SPATA13: variants seen among roughly 807,000 people sequenced by gnomAD.
SPATA13 encodes the protein spermatogenesis associated 13.
In SPATA13, 50 loss-of-function variants were observed where a neutral mutation model predicts 104.0. The observed-to-expected ratio is 0.48, with a 90% confidence interval of 0.38 to 0.61. SPATA13 has a LOEUF of 0.61. Ranked by LOEUF, SPATA13 falls within the 20% of genes least tolerant of loss-of-function variation. The probability of loss-of-function intolerance (pLI) is 0.00; values close to 1 mark genes in which losing one functional copy is unlikely to be tolerated. For synonymous variants in SPATA13, 606 were observed against 667.5 expected, an observed-to-expected ratio of 0.91 and a Z score of 1.42; for missense variants, 1,524 against 1,690.6, an observed-to-expected ratio of 0.90 and a Z score of 1.73.
At chr13:24,247,478 C>CCTTTTTTTTT (rs1375500120) in intron 2 of SPATA13, among the ~76,000 whole-genome samples, 2 of 87,122 alleles carry the variant, frequency 2.3e-5, no homozygotes, top group African/African-American at 8.0e-5. Context: ...TCCACATTCA[C>CCTTTTTTTTT]TTTTTTTTTT....
chr13:24,121,555 A>G (rs1881029896), intron 3 of SPATA13, among the ~76,000 whole-genome samples: 1 of 152,228 alleles, frequency 6.6e-6, no homozygotes, highest in Admixed American at 6.5e-5. Flanking sequence ...TGAAGATTGA[A>G]TAAAGCTATC....
intron 3 of SPATA13, among the ~76,000 whole-genome samples, chr13:24,075,196 C>T (rs1335473561): frequency 1.3e-5 from 2 of 152,180 alleles, no homozygotes; most frequent in Admixed American, 1.3e-4. Context: ...CTGTATGTAG[C>T]TACTATTACT....
At chr13:24,218,448 G>GCCTCACTGGGCCCTAGCAT (rs1400347539) in intron 1 of SPATA13, among the ~76,000 whole-genome samples, 1 of 152,138 alleles carries the variant, frequency 6.6e-6, no homozygotes, top group African/African-American at 2.4e-5. Context: ...AAGCTACTCA[G>GCCTCACTGGGCCCTAGCAT]CCTCACTGGG....
chr13:24,276,798 G>A (rs1000402665), intron 4 of SPATA13, among the ~76,000 whole-genome samples: 3 of 152,126 alleles, frequency 2.0e-5, no homozygotes, highest in Admixed American at 6.5e-5. Flanking sequence ...CTGTAGTTGA[G>A]GTTCAAAGCC....
intron 1 of SPATA13, among the ~76,000 whole-genome samples, chr13:24,187,380 A>G (rs1869215879): frequency 2.0e-5 from 3 of 152,104 alleles, no homozygotes; most frequent in Non-Finnish European, 4.4e-5. Context: ...GTTAACACAC[A>G]ATCATTGCCC....
At position 24,229,101 on chromosome 13, in the gene SPATA13, CTTG is replaced by C. The variant is rs1387753003; in HGVS notation, c.1653+4523_1653+4525del. ...TGTTTTAAGTTACAGGTTGCATTTA[CTTG>C]TTGACAGTGCTGTCTGTTGCCTTAT... On this transcript the variant is annotated intron_variant, in intron 2 of 12. Coordinates refer to ENST00000382108, the MANE Select transcript of SPATA13 (RefSeq NM_001166271.3). Among the ~76,000 whole-genome samples, 5 of 152,314 alleles carry C rather than the reference CTTG, an allele frequency of 3.3e-5. No homozygotes were observed. The East Asian group carries it at 9.6e-4, about 29-fold the overall frequency.
rs7983191 is a variant in SPATA13, at chr13:24,098,794, G to A, written c.-112+81093G>A. 6.1e-3 allele frequency among the ~76,000 whole-genome samples: 931 copies of A among 151,946 alleles called. 6 individuals are homozygous for A. The highest frequency in any genetic ancestry group is 0.021 in the African/African-American group (865 of 41,394). Reference sequence around the variant, plus strand: ...ACACAAAAATTAGCTGGGCATTTTGGTGCGTGCATGTAGTCCTAGCTACTT... The same window carrying A: ...ACACAAAAATTAGCTGGGCATTTTGATGCGTGCATGTAGTCCTAGCTACTT... On this transcript the variant is annotated intron_variant, in intron 3 of 14. Coordinates refer to the SPATA13 transcript ENST00000424834.
At chr13:24,087,109 A>G (rs1879751409) in intron 3 of SPATA13, among the ~76,000 whole-genome samples, 1 of 152,190 alleles carries the variant, frequency 6.6e-6, no homozygotes, top group African/African-American at 2.4e-5. Context: ...ACTTGTGCCC[A>G]GCAAGGCTTT....
chr13:24,232,860 T>C (rs566665590), intron 2 of SPATA13, among the ~76,000 whole-genome samples: 26 of 152,338 alleles, frequency 1.7e-4, no homozygotes, highest in Admixed American at 4.6e-4. Context: ...AGTTTTATAA[T>C]ATTTTTTAAA....
chr13:24,084,819 C>G (rs926409517), intron 3 of SPATA13, among the ~76,000 whole-genome samples: 1 of 152,056 alleles, frequency 6.6e-6, no homozygotes, highest in Admixed American at 6.5e-5. Context: ...CCCAGAAGTT[C>G]GAGACCAGCC....
chr13:23,982,588 A>G (rs1874953146), intron 1 of SPATA13, among the ~76,000 whole-genome samples: 1 of 152,118 alleles, frequency 6.6e-6, no homozygotes, highest in Non-Finnish European at 1.5e-5. Context: ...ATTAAACTCT[A>G]CTGTGAAATG....
intron 1 of SPATA13, among the ~76,000 whole-genome samples, chr13:24,182,760 G>A (rs1049778888): frequency 6.6e-6 from 1 of 152,142 alleles, no homozygotes; most frequent in African/African-American, 2.4e-5. Context: ...TTTTAAAACT[G>A]TCATTTCTAG....
intron 3 of SPATA13, among the ~76,000 whole-genome samples, chr13:24,055,312 G>A (rs1461836749): frequency 6.6e-6 from 1 of 152,204 alleles, no homozygotes; most frequent in Non-Finnish European, 1.5e-5. Flanking sequence ...TGCGGGTACA[G>A]TGCATCGTGT....
At chr13:24,119,946 G>A (rs1880981259) in intron 3 of SPATA13, among the ~76,000 whole-genome samples, 1 of 152,182 alleles carries the variant, frequency 6.6e-6, no homozygotes, top group South Asian at 2.1e-4. Context: ...CCATGAGGGA[G>A]CAAATGCAGA....
At position 23,995,488 on chromosome 13, in the gene SPATA13, A is replaced by C. The variant is rs569666793; in HGVS notation, c.-147+11555A>C. On this transcript the variant is annotated intron_variant, in intron 2 of 14. Transcript: ENST00000424834. ...AGCCCAGATGGGAAGGAAATAACAGAGGTCAGGTCTGGCAGGGGCCCTAAT... is the reference window on the plus strand; with the variant it reads ...AGCCCAGATGGGAAGGAAATAACAGCGGTCAGGTCTGGCAGGGGCCCTAAT... Among the ~76,000 whole-genome samples the C allele has an allele frequency of 2.6e-5, 4 of 152,342 alleles. No homozygotes were observed. In the East Asian group the frequency reaches 7.7e-4, roughly 29 times the overall value.
chr13:24,213,679 G>C (rs914799781), intron 1 of SPATA13, among the ~76,000 whole-genome samples: 8 of 152,168 alleles, frequency 5.3e-5, no homozygotes, highest in Admixed American at 4.6e-4. Flanking sequence ...ATAGAAGTAT[G>C]ACTTCATTTA....
chr13:24,276,694 C>A (rs887102723), intron 4 of SPATA13, among the ~76,000 whole-genome samples: 3 of 152,250 alleles, frequency 2.0e-5, no homozygotes, highest in East Asian at 1.9e-4. Context: ...ACATTCATTT[C>A]TCCTGATTTT....
At chr13:24,055,512 C>A (rs867233693) in intron 3 of SPATA13, among the ~76,000 whole-genome samples, 2 of 152,124 alleles carry the variant, frequency 1.3e-5, no homozygotes, top group Non-Finnish European at 2.9e-5. Flanking sequence ...GAACAGTGCC[C>A]GAAGCACCTT....
At chr13:24,182,706 G>T (rs1485322262) in intron 1 of SPATA13, among the ~76,000 whole-genome samples, 1 of 152,156 alleles carries the variant, frequency 6.6e-6, no homozygotes, top group African/African-American at 2.4e-5. Context: ...CAAACATCTA[G>T]ACCATATCAA....
Sources: allele counts gnomAD v4.1 joint callset (sites outside exome capture counted in the v4.1 genomes callset), GRCh38; gene constraint gnomAD v4.1.1; transcripts MANE v1.5; gene names NCBI Gene and HGNC (gene_info 2026-07-23, HGNC 2026-07-21).